Variants in DCAF8 observed in about 807,000 individuals in gnomAD.
The protein encoded by DCAF8 is DDB1- and CUL4-associated factor 8.
A neutral mutation model predicts 68.0 loss-of-function variants in DCAF8; 20 were observed. The ratio of observed to expected loss-of-function variants is 0.29; its 90% CI spans 0.21 to 0.43. The LOEUF (loss-of-function observed/expected upper bound fraction) is 0.43. Among genes scored for constraint, DCAF8 ranks in the 20% least tolerant of loss-of-function variants. The probability of loss-of-function intolerance (pLI) is 1.00; values close to 1 mark genes in which losing one functional copy is unlikely to be tolerated. For missense variants in DCAF8, 460 were observed against 771.0 expected (o/e 0.60, Z 4.78); for synonymous variants, 230 against 276.9 (o/e 0.83, Z 1.68).
rs752923101 is a variant in DCAF8, at chr1:160,218,447, C to A, written c.1561-7G>T. 4 of 1,612,296 alleles carry A rather than the reference C, an allele frequency of 2.5e-6. No individual in the cohort carries two copies. In the South Asian group the frequency reaches 4.4e-5, roughly 18 times the overall value. On this transcript the variant is annotated splice_region_variant and splice_polypyrimidine_tract_variant and intron_variant, in intron 12 of 13. Coordinates refer to ENST00000368074, the MANE Select transcript of DCAF8 (RefSeq NM_015726.4). The stretch of plus-strand genomic sequence containing the variant: ...GCTTGTTCTTCTTAATCACCTGGAA[C>A]CCAAAAAGGTTGGGAAGAGGGGGCA...
At chr1:160,241,169 A>G (rs896686076) in intron 3 of DCAF8, among the ~76,000 whole-genome samples, 1 of 151,992 alleles carries the variant, frequency 6.6e-6, no homozygotes, top group African/African-American at 2.4e-5. Context: ...AGAAAGTACC[A>G]CTACACCTTC....
intron 4 of DCAF8, chr1:160,238,957 A>G (rs1655991005): frequency 4.8e-6 from 3 of 625,742 alleles, no homozygotes; most frequent in Non-Finnish European, 7.4e-6. Context: ...GATGTAAGAG[A>G]GCATTTCAGT....
intron 2 of DCAF8, among the ~76,000 whole-genome samples, chr1:160,258,516 T>C (rs1415182235): frequency 6.6e-6 from 1 of 151,210 alleles, no homozygotes; most frequent in Non-Finnish European, 1.5e-5. Flanking sequence ...AGCTGGGTGC[T>C]GCGGCTATGC....
At chr1:160,229,723 TA>T (rs1655608425) in intron 7 of DCAF8, among the ~76,000 whole-genome samples, 1 of 151,846 alleles carries the variant, frequency 6.6e-6, no homozygotes, top group Admixed American at 6.6e-5. Flanking sequence ...GCTTCTTATT[TA>T]AAAATAAAAA....
At chr1:160,229,671 C>A (rs1041024773) in intron 7 of DCAF8, among the ~76,000 whole-genome samples, 5 of 152,088 alleles carry the variant, frequency 3.3e-5, no homozygotes, top group Non-Finnish European at 7.4e-5. Context: ...GAGGAGGTAG[C>A]AACTGAAAAT....
At chr1:160,229,556 A>T (rs777619109) in intron 7 of DCAF8, among the ~76,000 whole-genome samples, 15 of 152,144 alleles carry the variant, frequency 9.9e-5, no homozygotes, top group Non-Finnish European at 1.2e-4. Flanking sequence ...CCCTCCAAAC[A>T]TCTTGGTCCT....
Position 160,218,399 on chromosome 1 carries a change from C to T in DCAF8, c.1602G>A (p.Leu534=). ...GACTATCAAACAGGTCAGTTTGGTG[C>T]AAGCTATCTTCATCCCGCTCCCGCT... is the stretch of plus-strand genomic sequence containing the variant. ...KNKRERDEDS[L]HQTDLFDSHM... is the part of the protein sequence containing the mutation. The change falls in exon 13 of 14, where the codon TTG becomes TTA. Residue 534 remains leucine (L), a synonymous_variant. Coordinates refer to ENST00000368074, the MANE Select transcript of DCAF8 (RefSeq NM_015726.4). 2 of 1,614,196 alleles carry T rather than the reference C, an allele frequency of 1.2e-6. No homozygotes were observed. The highest frequency in any genetic ancestry group is 1.7e-6 in the Non-Finnish European group (2 of 1,180,030).
At chr1:160,238,974 T>C (rs1202164105) in intron 4 of DCAF8, 1 of 574,084 alleles carries the variant, frequency 1.7e-6, no homozygotes, top group Non-Finnish European at 2.7e-6. Context: ...CAGTTGGCTC[T>C]GGAAGATTGA....
chr1:160,244,002 T>C lies in DCAF8; in HGVS notation c.7A>G (p.Ser3Gly). The C allele has an allele frequency of 6.2e-7, 1 of 1,614,184 alleles. No homozygotes were observed. Among genetic ancestry groups the C allele is most frequent in the Non-Finnish European group, 8.5e-7 (1 of 1,180,034 alleles). The change falls in exon 3 of 14, where the codon AGC (serine) becomes GGC (glycine). Residue 3 changes from serine (S) to glycine (G), a missense_variant. Ser to Gly is a moderately conservative substitution (Grantham distance 56). This residue lies in a region of DCAF8 where 156 missense variants were observed against 181.4 expected (regional missense o/e 0.86). Transcript: ENST00000368074. Reference protein sequence around the residue: MSSKGSSTDGRTD... With the variant: MSGKGSSTDGRTD... Reference sequence around the variant, plus strand: ...CTGCCATCTGTGCTGCTCCCTTTGCTGGACATCTTGAATGATGTTTGCTGT... The same window carrying C: ...CTGCCATCTGTGCTGCTCCCTTTGCCGGACATCTTGAATGATGTTTGCTGT...
At chr1:160,244,837 T>G (rs548506775) in intron 2 of DCAF8, among the ~76,000 whole-genome samples, 13 of 151,996 alleles carry the variant, frequency 8.6e-5, no homozygotes, top group African/African-American at 3.1e-4. Flanking sequence ...ATGGTCTCGA[T>G]CTCCCGAGTG....
chr1:160,218,966 T>C lies in DCAF8; in HGVS notation c.1443A>G (p.Val481=), dbSNP rs145976316. ...GGTGAGGGTGGGGCTCAAGACAGTT[T>C]ACCTGGTCAGGAAGAAAGGAAAACA... is the stretch of plus-strand genomic sequence containing the variant. The part of the protein sequence containing the change: ...QFMEGDKGGV[V]NCLEPHPHLP... The change falls in exon 12 of 14, where the codon GTA becomes GTG. Residue 481 remains valine, a splice_region_variant and synonymous_variant. Transcript: ENST00000368074. 6.3e-5 allele frequency: 101 copies of C among 1,614,148 alleles called. No homozygotes were observed. In the African/African-American group the frequency reaches 1.2e-3, roughly 19 times the overall value.
intron 2 of DCAF8, among the ~76,000 whole-genome samples, chr1:160,256,883 TGTCCTA>T (rs1217475610): frequency 1.3e-5 from 2 of 152,110 alleles, no homozygotes. Flanking sequence ...CCAGGAACTA[TGTCCTA>T]CAGAGGTAGA....
At chr1:160,231,918 T>C (rs934086356) in intron 6 of DCAF8, among the ~76,000 whole-genome samples, 1 of 152,166 alleles carries the variant, frequency 6.6e-6, no homozygotes, top group African/African-American at 2.4e-5. Context: ...TGGCCAGGTA[T>C]GGTGGCTCAT....
chr1:160,241,742 C>T (rs1184087563), intron 3 of DCAF8, among the ~76,000 whole-genome samples: 3 of 152,182 alleles, frequency 2.0e-5, no homozygotes, highest in African/African-American at 7.2e-5. Context: ...AAAGGCAGAC[C>T]ATCCAGTATG....
intron 2 of DCAF8, among the ~76,000 whole-genome samples, chr1:160,253,865 G>C (rs1656712721): frequency 6.6e-6 from 1 of 151,732 alleles, no homozygotes; most frequent in African/African-American, 2.4e-5. Context: ...AAGGAGGATA[G>C]TCCATGCTTC....
rs563320204 is a variant in DCAF8, at chr1:160,256,471, G to A, written c.-27+4814C>T. Among the ~76,000 whole-genome samples, 69 of 152,158 alleles carry A rather than the reference G, an allele frequency of 4.5e-4. 5 individuals are homozygous for A. In the South Asian group the frequency reaches 0.014, roughly 31 times the overall value. Reference sequence around the variant, plus strand: ...TAAGTAAGGTTAACAAAACATACCTGGTAATGTGGCAATCATTAAAGTACA... The same window carrying A: ...TAAGTAAGGTTAACAAAACATACCTAGTAATGTGGCAATCATTAAAGTACA... On this transcript the variant is annotated intron_variant, in intron 2 of 13. Transcript: ENST00000368074.
intron 3 of DCAF8, among the ~76,000 whole-genome samples, chr1:160,241,270 T>C (rs1343384325): frequency 1.3e-5 from 2 of 152,206 alleles, no homozygotes; most frequent in African/African-American, 4.8e-5. Context: ...TTGTGATCAT[T>C]TGAGTGGGTT....
chr1:160,235,557 T>C (rs1171784577), intron 6 of DCAF8, among the ~76,000 whole-genome samples: 2 of 151,962 alleles, frequency 1.3e-5, no homozygotes, highest in Non-Finnish European at 2.9e-5. Flanking sequence ...GTAGCTTTTA[T>C]GGTCCAACAC....
intron 8 of DCAF8, among the ~76,000 whole-genome samples, 174 bp downstream of exon 8, chr1:160,225,417 A>T (rs1427066576): frequency 6.6e-6 from 1 of 152,200 alleles, no homozygotes; most frequent in Non-Finnish European, 1.5e-5. Context: ...AACTGAGGCT[A>T]TCAGAAGTGA....
Sources: gnomAD v4.1 joint callset for allele counts (sites outside exome capture counted in the v4.1 genomes callset) on GRCh38, gnomAD v4.1.1 for gene constraint, gnomAD v4.1.1 regional missense constraint, MANE v1.5 for transcripts, NCBI Gene and HGNC (gene_info 2026-07-23, HGNC 2026-07-21) for gene names.